MMP19: variants seen among roughly 807,000 people sequenced by gnomAD.
The protein encoded by MMP19 is matrix metallopeptidase 19, also known as matrix metalloproteinase-19.
MMP19 carries 47 observed loss-of-function variants against 46.6 expected under a neutral mutation model. The ratio of observed to expected loss-of-function variants is 1.01; its 90% CI spans 0.80 to 1.29. MMP19 has a LOEUF of 1.29. Ranked by LOEUF, MMP19 falls within the 50% of genes most tolerant of loss-of-function variation. The pLI is 0.00. For missense variants in MMP19, 589 were observed against 643.5 expected (o/e 0.92, Z 0.92); for synonymous variants, 222 against 248.5 (o/e 0.89, Z 1.00).
intron 6 of MMP19, chr12:55,838,341 G>C (rs1592605399): frequency 5.5e-6 from 4 of 729,100 alleles, no homozygotes; most frequent in Non-Finnish European, 9.1e-6. Context: ...GGGTAATATA[G>C]TTTTCTCCAT....
At chr12:55,841,561 T>TCCTTCC (rs1170078575) in intron 2 of MMP19, 68 of 242,242 alleles carry the variant, frequency 2.8e-4, no homozygotes, top group Non-Finnish European at 4.5e-4. Context: ...CTTCCTTTCT[T>TCCTTCC]TTTCTTCTCT....
At chr12:55,839,346 C>A in intron 5 of MMP19, 150 bp downstream of exon 5, 1 of 905,846 alleles carries the variant, frequency 1.1e-6, no homozygotes, top group Non-Finnish European at 1.6e-6. Flanking sequence ...CTGAGAAAAA[C>A]TGCTCCTGAA....
intron 2 of MMP19, chr12:55,841,474 T>C: frequency 4.2e-6 from 2 of 474,084 alleles, no homozygotes; most frequent in Non-Finnish European, 7.7e-6. Flanking sequence ...TTTGAGTAAG[T>C]TTGCCCTCAG....
rs1010885712 is a variant in MMP19, at chr12:55,836,361, A to C, written c.*675T>G. On this transcript the variant is annotated 3_prime_UTR_variant, in exon 9 of 9. Transcript: ENST00000322569. ...CTAAAGATCTAATAGAGATGCCCTT[A>C]TTATACAGACTACTGTAAGAGTTAT... 1 of 152,272 alleles carries C rather than the reference A, an allele frequency of 6.6e-6. No individual in the cohort carries two copies. Among genetic ancestry groups the C allele is most frequent in the Non-Finnish European group, 1.5e-5 (1 of 68,060 alleles). The allele number at this position is 152,272 out of a possible 1,614,324, so 9.4% of individuals were successfully genotyped here.
Position 55,837,374 on chromosome 12 carries a change from C to A in MMP19, c.1189G>T (p.Gly397Cys), listed in dbSNP as rs1489628208. The change falls in exon 9 of 9, where the codon GGC becomes TGC. Residue 397 changes from glycine (G) to cysteine (C), a missense_variant and splice_region_variant. Physicochemically the swap from Gly to Cys is radical, Grantham distance 159. Transcript: ENST00000322569. ...PLNQKVFLFK[G>C]SGYWQWDELA... ...TCGTCCCACTGCCAGTACCCGGAGC[C>A]CTGGATATGGGATGGGTGGGGAGAG... is the stretch of plus-strand genomic sequence containing the variant. 1 of 1,596,578 alleles carries A rather than the reference C, an allele frequency of 6.3e-7. No homozygotes were observed. Among genetic ancestry groups the A allele is most frequent in the Admixed American group, 1.7e-5 (1 of 59,240 alleles).
At position 55,842,432 on chromosome 12, in the gene MMP19, G is replaced by C. The variant is rs763394035; in HGVS notation, c.94C>G (p.Leu32Val). The change falls in exon 2 of 9, where the codon CTG (leucine) becomes GTG (valine). Residue 32 changes from leucine (L) to valine (V), a missense_variant. Physicochemically the swap from Leu to Val is conservative, Grantham distance 32 (BLOSUM62 1). Coordinates refer to ENST00000322569, the MANE Select transcript of MMP19 (RefSeq NM_002429.6). Reference protein sequence around the residue: ...GLAEVAPVDYLSQYGYLQKPL... With the variant: ...GLAEVAPVDYVSQYGYLQKPL... The stretch of plus-strand genomic sequence containing the variant: ...TTCTGTAGGTACCCATATTGTGACA[G>C]GTAGTCCTATGATGGGAGTGGAGGT... 1.2e-6 allele frequency: 2 copies of C among 1,611,642 alleles called. No individual in the cohort carries two copies. The highest frequency in any genetic ancestry group is 1.7e-6 in the Non-Finnish European group (2 of 1,177,980).
intron 2 of MMP19, 33 bp downstream of exon 2, chr12:55,842,320 A>C (rs559761608): frequency 1.3e-6 from 2 of 1,553,702 alleles, no homozygotes; most frequent in African/African-American, 2.7e-5. Context: ...TTGAGACCTT[A>C]GCCCTAAAGG....
chr12:55,841,671 G>A (rs1881714641), intron 2 of MMP19, among the ~76,000 whole-genome samples: 1 of 151,940 alleles, frequency 6.6e-6, no homozygotes, highest in African/African-American at 2.4e-5. Context: ...CCCCTGCCTG[G>A]ATCTCCCAAA....
rs1244818175 is a variant in MMP19 at position 55,841,565 on chromosome 12, C to CTTT, written c.174-330_174-329insAAA. On this transcript the variant is annotated intron_variant, in intron 2 of 8. Transcript: ENST00000322569. ...TTCCTTCCTTCCTTCCTTTCTTTTT[C>CTTT]TTCTCTCTTTCTTTCTTCCTTTCTT... Among the ~76,000 whole-genome samples the CTTT allele has an allele frequency of 8.8e-3, 1,132 of 129,026 alleles. 7 individuals carry two copies. Among genetic ancestry groups the CTTT allele is most frequent in the Non-Finnish European group, 0.014 (881 of 61,288 alleles). 84.6% of individuals were successfully genotyped at this position (129,026 alleles called of 152,430 possible). A position where few individuals can be genotyped will look rare whatever the true frequency, so the allele number is the denominator to read the frequency against.
chr12:55,839,241 C>CAA (rs763182567), intron 5 of MMP19, among the ~76,000 whole-genome samples: 64 of 58,702 alleles, frequency 1.1e-3, no homozygotes, highest in East Asian at 3.7e-3. Flanking sequence ...GGCTCTATCT[C>CAA]AAAAAAAAAA....
At chr12:55,837,469 C>G (rs1881320381) in intron 8 of MMP19, 86 bp downstream of exon 8, 2 of 1,592,128 alleles carry the variant, frequency 1.3e-6, no homozygotes, top group South Asian at 2.3e-5. Flanking sequence ...TGCAGAACAT[C>G]TCCCTTCAAG....
intron 6 of MMP19, 106 bp downstream of exon 6, chr12:55,838,500 C>G: frequency 6.2e-7 from 1 of 1,608,570 alleles, no homozygotes; most frequent in South Asian, 1.1e-5. Context: ...GGGGTCTAAC[C>G]TCCATTGCTC....
At chr12:55,837,473 C>A in intron 8 of MMP19, 82 bp downstream of exon 8, 3 of 1,596,000 alleles carry the variant, frequency 1.9e-6, no homozygotes, top group South Asian at 2.2e-5. Flanking sequence ...GAACATCTCC[C>A]TTCAAGCGCA....
Position 55,840,683 on chromosome 12 carries a change from A to T in MMP19, c.504T>A (p.Asn168Lys). ...GTTGCCTACCAGGCCCATCAAAAGT[A>T]TTGGAACAGTACGAGCTTTGGCGGC... Reference protein sequence around the residue: ...FHGRQSSYCSNTFDGPGRVLA... With the variant: ...FHGRQSSYCSKTFDGPGRVLA... The change falls in exon 4 of 9, where the codon AAT (asparagine) becomes AAA (lysine). Residue 168 changes from asparagine to lysine, a missense_variant. By Grantham distance (94) the Asn-to-Lys change is moderately conservative (BLOSUM62 0). Transcript: ENST00000322569. 6.2e-7 allele frequency: 1 copy of T among 1,613,832 alleles called. No individual in the cohort carries two copies. The highest frequency in any genetic ancestry group is 1.1e-5 in the South Asian group (1 of 91,054).
intron 4 of MMP19, among the ~76,000 whole-genome samples, chr12:55,840,347 G>C (rs1881587575): frequency 7.1e-6 from 1 of 140,826 alleles, no homozygotes; most frequent in African/African-American, 2.6e-5. Flanking sequence ...AGGGAGGGAG[G>C]GAGGGAGGGA....
rs1367909251 is a variant in MMP19, at chr12:55,838,401, T to G, written c.895+205A>C. On this transcript the variant is annotated intron_variant, in intron 6 of 8. Coordinates refer to ENST00000322569, the MANE Select transcript of MMP19 (RefSeq NM_002429.6). ...TAGTGGCCCTTAGAGCGTGGCAGCCTTGGTAAGTGCCTGCCTAAGCCACCT... is the reference window on the plus strand; with the variant it reads ...TAGTGGCCCTTAGAGCGTGGCAGCCGTGGTAAGTGCCTGCCTAAGCCACCT... 17 of 1,184,160 alleles carry G rather than the reference T, an allele frequency of 1.4e-5. No homozygotes were observed. The East Asian group carries it at 4.0e-4, about 28-fold the overall frequency. The allele number at this position is 1,184,160 out of a possible 1,614,324, so 73.4% of individuals were successfully genotyped here. A position where few individuals can be genotyped will look rare whatever the true frequency, so the allele number is the denominator to read the frequency against.
At chr12:55,839,285 A>G (rs1881496650) in intron 5 of MMP19, among the ~76,000 whole-genome samples, 2 of 151,920 alleles carry the variant, frequency 1.3e-5, no homozygotes, top group African/African-American at 2.4e-5. Flanking sequence ...TCCATCCCCA[A>G]GCATGGGTGT....
Position 55,841,242 on chromosome 12 carries a change from G to C in MMP19, c.174-6C>G. On this transcript the variant is annotated splice_polypyrimidine_tract_variant and splice_region_variant and intron_variant, in intron 2 of 8. Transcript: ENST00000322569. Reference sequence around the variant, plus strand: ...CAGATGCTTCCTGAAAAGCTCTGAAGGAGGGAGAGGGATGGGTCTACCAGG... The same window carrying C: ...CAGATGCTTCCTGAAAAGCTCTGAACGAGGGAGAGGGATGGGTCTACCAGG... The C allele has an allele frequency of 6.2e-7, 1 of 1,610,852 alleles. No homozygotes were observed. The highest frequency in any genetic ancestry group is 8.5e-7 in the Non-Finnish European group (1 of 1,179,156).
intron 5 of MMP19, 80 bp from the exon 6 acceptor site, chr12:55,838,814 A>G (rs942777023): frequency 8.1e-7 from 1 of 1,231,302 alleles, no homozygotes; most frequent in African/African-American, 1.5e-5. Flanking sequence ...AGTTTTGCTC[A>G]GAGTCCCCAT....
Sources: allele counts gnomAD v4.1 joint callset (sites outside exome capture counted in the v4.1 genomes callset), GRCh38; gene constraint gnomAD v4.1.1; transcripts MANE v1.5; gene names NCBI Gene and HGNC (gene_info 2026-07-23, HGNC 2026-07-21).